The following RBM6 variants were observed in gnomAD, a reference collection of about 807,000 sequenced individuals.
The protein encoded by RBM6 is RNA-binding protein 6.
RBM6 carries 23 observed loss-of-function variants against 140.4 expected under a neutral mutation model. The ratio of observed to expected loss-of-function variants is 0.16; its 90% CI spans 0.12 to 0.23. The LOEUF (loss-of-function observed/expected upper bound fraction) is 0.23. Among genes scored for constraint, RBM6 ranks in the 10% least tolerant of loss-of-function variants. The pLI, the probability that RBM6 is intolerant of heterozygous loss-of-function variation, is 1.00. For missense variants in RBM6, 1,139 were observed against 1,386.7 expected (o/e 0.82, Z 2.84); for synonymous variants, 439 against 475.6 (o/e 0.92, Z 1.00).
intron 5 of RBM6, among the ~76,000 whole-genome samples, chr3:49,986,228 A>G (rs1033765127): frequency 1.3e-5 from 2 of 150,740 alleles, no homozygotes; most frequent in African/African-American, 4.9e-5. Context: ...TCCTGACCTC[A>G]AGTGATCCAT....
At chr3:50,034,011 GC>G (rs1367175240) in intron 6 of RBM6, among the ~76,000 whole-genome samples, 4 of 151,390 alleles carry the variant, frequency 2.6e-5, no homozygotes, top group Non-Finnish European at 5.9e-5. Context: ...GAGATCAAAT[GC>G]CCCCTGTCTA....
chr3:50,072,258 A>G (rs1340947393), intron 19 of RBM6, among the ~76,000 whole-genome samples: 3 of 149,340 alleles, frequency 2.0e-5, no homozygotes, highest in East Asian at 4.0e-4. Context: ...AAATATAAAA[A>G]AATTAGCCAG....
At chr3:50,049,002 C>A (rs561610912) in intron 7 of RBM6, among the ~76,000 whole-genome samples, 8 of 151,850 alleles carry the variant, frequency 5.3e-5, no homozygotes, top group African/African-American at 1.7e-4. Context: ...GGGGTTTCAC[C>A]ATGTTGGCCA....
intron 2 of RBM6, 150 bp downstream of exon 2, chr3:49,962,835 C>T (rs904691265): frequency 3.7e-5 from 25 of 674,180 alleles, no homozygotes; most frequent in Admixed American, 1.5e-4. Context: ...CGGTGGCTCA[C>T]GCCTGTAATC....
intron 6 of RBM6, among the ~76,000 whole-genome samples, chr3:50,018,494 A>G (rs928756258): frequency 6.6e-6 from 1 of 151,292 alleles, no homozygotes; most frequent in Non-Finnish European, 1.5e-5. Flanking sequence ...ATAAATATCC[A>G]TATGCATGTT....
chr3:49,955,160 C>CTTTTTGTTTTTTTTTTTTTTT (rs2083918191), intron 1 of RBM6, among the ~76,000 whole-genome samples: 1 of 72,706 alleles, frequency 1.4e-5, no homozygotes, highest in Non-Finnish European at 2.3e-5. Flanking sequence ...TTTTTTCTTT[C>CTTTTTGTTTTTTTTTTTTTTT]TTTTTTTTTT....
At chr3:49,971,085 G>A (rs946333606) in intron 3 of RBM6, among the ~76,000 whole-genome samples, 5 of 151,342 alleles carry the variant, frequency 3.3e-5, no homozygotes, top group Non-Finnish European at 7.4e-5. Flanking sequence ...TGACCAACAC[G>A]GAGAAACCCC....
At chr3:50,025,978 C>T (rs2087793566) in intron 6 of RBM6, among the ~76,000 whole-genome samples, 1 of 152,146 alleles carries the variant, frequency 6.6e-6, no homozygotes, top group African/African-American at 2.4e-5. Flanking sequence ...CCTGTAATCC[C>T]AGCTACTCAG....
intron 8 of RBM6, 44 bp from the exon 9 acceptor site, chr3:50,057,684 T>TC (rs2089766050): frequency 1.3e-6 from 2 of 1,511,356 alleles, no homozygotes; most frequent in South Asian, 2.6e-5. Context: ...TTTTTTTTTT[T>TC]TGATAAAGCT....
intron 6 of RBM6, among the ~76,000 whole-genome samples, chr3:50,018,890 G>A (rs962688315): frequency 1.3e-5 from 2 of 151,952 alleles, no homozygotes; most frequent in Non-Finnish European, 2.9e-5. Context: ...CACCCAGCCT[G>A]TAGAGTATGT....
rs527842884 is a variant in RBM6 at position 50,027,558 on chromosome 3, C to T, written c.1558-20687C>T. Reference sequence around the variant, plus strand: ...CGGCTTTCTGTCTCTATAGATTTGCCTGCTCTGGATATTTCATATAAATGG... The same window carrying T: ...CGGCTTTCTGTCTCTATAGATTTGCTTGCTCTGGATATTTCATATAAATGG... On this transcript the variant is annotated intron_variant, in intron 6 of 20. Coordinates refer to ENST00000266022, the MANE Select transcript of RBM6 (RefSeq NM_005777.3). 1.2e-4 allele frequency among the ~76,000 whole-genome samples: 18 copies of T among 152,308 alleles called. No homozygotes were observed. The South Asian group carries it at 3.7e-3, about 32-fold the overall frequency.
chr3:50,061,434 AC>A (rs773793130), intron 13 of RBM6, 27 bp from the exon 14 acceptor site: 18 of 1,587,072 alleles, frequency 1.1e-5, no homozygotes, highest in Non-Finnish European at 1.5e-5. Context: ...ACAGAGACTA[AC>A]ATTGGCTCTG....
intron 5 of RBM6, among the ~76,000 whole-genome samples, chr3:49,986,872 A>G (rs1475228670): frequency 2.0e-5 from 3 of 150,470 alleles, no homozygotes; most frequent in Admixed American, 1.3e-4. Flanking sequence ...TGCAGTGTCA[A>G]CCTCCCAGGT....
intron 6 of RBM6, among the ~76,000 whole-genome samples, chr3:50,004,683 G>T (rs542450974): frequency 1.2e-4 from 18 of 151,864 alleles, no homozygotes; most frequent in Admixed American, 9.9e-4. Flanking sequence ...ACAGTGGTAC[G>T]ATGAGAGCTC....
In RBM6 at chr3:50,065,028, C is replaced by A; in HGVS notation, c.2587-3C>A. On this transcript the variant is annotated splice_region_variant and splice_polypyrimidine_tract_variant and intron_variant, in intron 15 of 20. Coordinates refer to ENST00000266022, the MANE Select transcript of RBM6 (RefSeq NM_005777.3). ...ATGTGAGAGTTACCTCTGGTTTGAT[C>A]AGTTTCAGGAAAATGCCAGTGAAGG... 6.2e-7 allele frequency: 1 copy of A among 1,609,658 alleles called. No individual in the cohort carries two copies. The highest frequency in any genetic ancestry group is 1.1e-5 in the South Asian group (1 of 90,944).
At chr3:49,956,505 T>C (rs568927760) in intron 1 of RBM6, among the ~76,000 whole-genome samples, 1 of 151,688 alleles carries the variant, frequency 6.6e-6, no homozygotes, top group Non-Finnish European at 1.5e-5. Flanking sequence ...GCTAATTTTG[T>C]ATTTTTAATA....
intron 5 of RBM6, among the ~76,000 whole-genome samples, chr3:49,984,242 G>A (rs1316171821): frequency 6.6e-6 from 1 of 152,182 alleles, no homozygotes; most frequent in African/African-American, 2.4e-5. Context: ...GGTGGAGGTT[G>A]CAGTGAGCCA....
intron 5 of RBM6, among the ~76,000 whole-genome samples, chr3:49,978,868 C>T (rs2085176033): frequency 6.6e-6 from 1 of 152,116 alleles, no homozygotes; most frequent in African/African-American, 2.4e-5. Context: ...TTTACAAATA[C>T]ATTATAACCC....
chr3:49,976,497 A>G lies in RBM6; in HGVS notation c.1483+1105A>G, dbSNP rs1403582264. On this transcript the variant is annotated intron_variant, in intron 5 of 20. Transcript: ENST00000266022. Reference sequence around the variant, plus strand: ...AAGCATGAGTAAGAGTAGATATATTATTATTCTTGGTATCTCACTTATGTT... The same window carrying G: ...AAGCATGAGTAAGAGTAGATATATTGTTATTCTTGGTATCTCACTTATGTT... Among the ~76,000 whole-genome samples the G allele has an allele frequency of 3.1e-4, 47 of 152,160 alleles. 1 individual carries two copies. Among genetic ancestry groups the G allele is most frequent in the Admixed American group, 3.1e-3 (47 of 15,274 alleles).
Sources: allele counts gnomAD v4.1 joint callset (sites outside exome capture counted in the v4.1 genomes callset), GRCh38; gene constraint gnomAD v4.1.1; transcripts MANE v1.5; gene names NCBI Gene and HGNC (gene_info 2026-07-23, HGNC 2026-07-21).